The following ROBO1 variants were observed in gnomAD, a reference collection of about 807,000 sequenced individuals.
ROBO1 encodes roundabout guidance receptor 1, also known as roundabout homolog 1.
ROBO1 carries 149 observed loss-of-function variants against 195.9 expected under a neutral mutation model. That is an observed-to-expected ratio of 0.76 (90% CI 0.67 to 0.87). The LOEUF is 0.87. Among genes scored for constraint, ROBO1 ranks in the 40% least tolerant of loss-of-function variants. The pLI is 0.00. For synonymous variants in ROBO1, 816 were observed against 733.2 expected, an observed-to-expected ratio of 1.11 and a Z score of -1.82; for missense variants, 1,933 against 2,068.3, an observed-to-expected ratio of 0.93 and a Z score of 1.27.
chr3:79,294,786 G>A (rs529669908), intron 2 of ROBO1, among the ~76,000 whole-genome samples: 5 of 152,174 alleles, frequency 3.3e-5, no homozygotes, highest in Admixed American at 6.5e-5. Context: ...AAAAGTGGGC[G>A]AAGGATATGA....
At position 78,912,992 on chromosome 3, in the gene ROBO1, T is replaced by C. The variant is rs185493031; in HGVS notation, c.499+25609A>G. Among the ~76,000 whole-genome samples, 7 of 152,268 alleles carry C rather than the reference T, an allele frequency of 4.6e-5. No homozygotes were observed. The East Asian group carries it at 9.6e-4, about 21-fold the overall frequency. ...TGTTGAATGCACTCAACAGAAATAGTATATGTAAAGAAGCACAGATTTTTT... is the reference window on the plus strand; with the variant it reads ...TGTTGAATGCACTCAACAGAAATAGCATATGTAAAGAAGCACAGATTTTTT... On this transcript the variant is annotated intron_variant, in intron 4 of 30. Coordinates refer to ENST00000464233, the MANE Select transcript of ROBO1 (RefSeq NM_002941.4).
At position 78,717,343 on chromosome 3, in the gene ROBO1, A is replaced by G; in HGVS notation, c.849T>C (p.Cys283=). Residue 283 remains cysteine, a synonymous_variant, in exon 7 of 31, where the codon TGT becomes TGC. Transcript: ENST00000464233. Reference sequence around the variant, plus strand: ...TAGGTACAGGGTCACCTCGGGCCTCACATTTAAATTCTGCACTGTCATCCA... The same window carrying G: ...TAGGTACAGGGTCACCTCGGGCCTCGCATTTAAATTCTGCACTGTCATCCA... ...VTVDDSAEFK[C]EARGDPVPTV... is the part of the protein sequence containing the mutation. The G allele has an allele frequency of 6.2e-7, 1 of 1,612,884 alleles. No homozygotes were observed. The highest frequency in any genetic ancestry group is 8.5e-7 in the Non-Finnish European group (1 of 1,179,466).
intron 2 of ROBO1, among the ~76,000 whole-genome samples, chr3:79,264,779 G>A (rs929329322): frequency 2.0e-5 from 3 of 151,892 alleles, no homozygotes; most frequent in African/African-American, 7.2e-5. Flanking sequence ...CTAGCTAATA[G>A]GTTGGACAGC....
chr3:79,589,681 A>G (rs1943934697), intron 2 of ROBO1, 143 bp downstream of exon 2: 1 of 633,834 alleles, frequency 1.6e-6, no homozygotes, highest in South Asian at 2.1e-5. Flanking sequence ...ATCAGCACTC[A>G]TACTCAAGAA....
intron 2 of ROBO1, among the ~76,000 whole-genome samples, chr3:79,548,244 T>C (rs1194178688): frequency 6.6e-6 from 1 of 152,162 alleles, no homozygotes; most frequent in Non-Finnish European, 1.5e-5. Context: ...TGATGCTGAG[T>C]GAAAGTCAAT....
intron 2 of ROBO1, among the ~76,000 whole-genome samples, chr3:79,126,905 C>A (rs565113373): frequency 6.6e-6 from 1 of 151,928 alleles, no homozygotes; most frequent in Non-Finnish European, 1.5e-5. Flanking sequence ...CATGAGTCCA[C>A]TTGGTTTTTT....
chr3:79,470,490 C>G (rs1167516188), intron 2 of ROBO1, among the ~76,000 whole-genome samples: 1 of 152,084 alleles, frequency 6.6e-6, no homozygotes, highest in Non-Finnish European at 1.5e-5. Context: ...AGTACACCAA[C>G]AAGGCACATG....
intron 5 of ROBO1, among the ~76,000 whole-genome samples, chr3:78,727,349 G>A (rs1294621384): frequency 1.3e-5 from 2 of 152,078 alleles, no homozygotes; most frequent in African/African-American, 2.4e-5. Flanking sequence ...CATCTCGGCC[G>A]GGCGCGGTGG....
intron 3 of ROBO1, among the ~76,000 whole-genome samples, chr3:79,027,908 T>C (rs906239842): frequency 6.6e-6 from 1 of 152,190 alleles, no homozygotes; most frequent in South Asian, 2.1e-4. Context: ...AGGTGTTTGC[T>C]GAAGCCAGTG....
rs1382089637 is a variant in ROBO1, at chr3:78,684,344, T to C, written c.1342+1402A>G. The stretch of plus-strand genomic sequence containing the variant: ...AAGAATAGATAAAAGGAATCAATGA[T>C]GATAAAAGTCAGAAAAGTTATTATC... On this transcript the variant is annotated intron_variant, in intron 10 of 30. Coordinates refer to ENST00000464233, the MANE Select transcript of ROBO1 (RefSeq NM_002941.4). 4.6e-5 allele frequency among the ~76,000 whole-genome samples: 7 copies of C among 152,144 alleles called. No individual in the cohort carries two copies. The South Asian group carries it at 6.2e-4, about 13-fold the overall frequency.
At chr3:79,141,320 G>A (rs571584075) in intron 2 of ROBO1, among the ~76,000 whole-genome samples, 1 of 152,096 alleles carries the variant, frequency 6.6e-6, no homozygotes, top group Non-Finnish European at 1.5e-5. Context: ...AACTGCTAAA[G>A]GGACAAATTT....
chr3:79,120,797 T>C (rs2080102820), intron 3 of ROBO1, among the ~76,000 whole-genome samples: 1 of 152,162 alleles, frequency 6.6e-6, no homozygotes, highest in Non-Finnish European at 1.5e-5. Context: ...TACAGTGTCA[T>C]ACTTAGCTCT....
intron 1 of ROBO1, among the ~76,000 whole-genome samples, chr3:79,690,841 A>C (rs1374011694): frequency 2.0e-5 from 3 of 151,852 alleles, no homozygotes; most frequent in African/African-American, 7.2e-5. Flanking sequence ...ATCTTTTCCA[A>C]AATATCCCAA....
intron 1 of ROBO1, among the ~76,000 whole-genome samples, chr3:79,605,012 A>G (rs1309919550): frequency 1.3e-5 from 2 of 151,834 alleles, no homozygotes; most frequent in Non-Finnish European, 2.9e-5. Flanking sequence ...TATTACCATA[A>G]TTTCTCTTCT....
At chr3:78,702,224 A>G (rs2081436981) in intron 8 of ROBO1, among the ~76,000 whole-genome samples, 1 of 152,196 alleles carries the variant, frequency 6.6e-6, no homozygotes. Context: ...CAGCCTAATG[A>G]TTCATGCTGT....
intron 5 of ROBO1, among the ~76,000 whole-genome samples, chr3:78,727,135 A>G (rs1185327450): frequency 6.6e-6 from 1 of 152,124 alleles, no homozygotes; most frequent in Non-Finnish European, 1.5e-5. Context: ...TAGTACCATA[A>G]TTATTTTGTA....
intron 14 of ROBO1, among the ~76,000 whole-genome samples, chr3:78,665,699 T>C (rs919925105): frequency 3.3e-5 from 5 of 152,150 alleles, no homozygotes; most frequent in African/African-American, 7.2e-5. Flanking sequence ...GATTGGTTAA[T>C]GTATTCTTTG....
At chr3:79,475,122 T>C (rs1437392927) in intron 2 of ROBO1, among the ~76,000 whole-genome samples, 3 of 151,870 alleles carry the variant, frequency 2.0e-5, no homozygotes, top group African/African-American at 7.3e-5. Context: ...GGAATGATAG[T>C]ATTAAAGTAA....
chr3:78,622,378 C>T (rs544018552), intron 26 of ROBO1, among the ~76,000 whole-genome samples: 1 of 152,178 alleles, frequency 6.6e-6, no homozygotes, highest in South Asian at 2.1e-4. Context: ...TGTATTTATT[C>T]TTTAAACATT....
Sources: allele counts gnomAD v4.1 joint callset (sites outside exome capture counted in the v4.1 genomes callset), GRCh38; gene constraint gnomAD v4.1.1; transcripts MANE v1.5; gene names NCBI Gene and HGNC (gene_info 2026-07-23, HGNC 2026-07-21).